The following FZR1 variants were observed in gnomAD, a reference collection of about 807,000 sequenced individuals.
FZR1 encodes the protein fizzy and cell division cycle 20 related 1.
FZR1 carries 11 observed loss-of-function variants against 63.6 expected under a neutral mutation model. The observed-to-expected ratio is 0.17, with a 90% confidence interval of 0.11 to 0.29. The LOEUF is 0.29. FZR1 is among the 10% of genes least tolerant of loss of function. The pLI, the probability that FZR1 is intolerant of heterozygous loss-of-function variation, is 1.00. For synonymous variants in FZR1, 328 were observed against 297.9 expected (o/e 1.10, Z -1.04); for missense variants, 440 against 687.5 (o/e 0.64, Z 4.03).
chr19:3,534,247 A>G (rs968589760), intron 12 of FZR1, 174 bp from the exon 13 acceptor site: 14 of 429,394 alleles, frequency 3.3e-5, no homozygotes, highest in Middle Eastern at 6.2e-4. Context: ...AAAAAAAAAA[A>G]GGCTCCAACC....
rs1246657308 is a variant in FZR1, at chr19:3,516,856, G to A, written c.-34-6100G>A. Among the ~76,000 whole-genome samples, 2 of 152,230 alleles carry A rather than the reference G, an allele frequency of 1.3e-5. No individual in the cohort carries two copies. Among genetic ancestry groups the A allele is most frequent in the Non-Finnish European group, 2.9e-5 (2 of 68,034 alleles). ...TGGCTCACGGCGTCTCTGTTGCCCC[G>A]GAGGGCTTGTCAGGTGCAGCCATGT... On this transcript the variant is annotated intron_variant, in intron 1 of 13. Transcript: ENST00000441788. The surrounding 1 kb of genome is among the most constrained non-coding windows in gnomAD (Gnocchi z 6.0).
chr19:3,520,208 G>A (rs2083089320), intron 1 of FZR1, among the ~76,000 whole-genome samples: 1 of 152,210 alleles, frequency 6.6e-6, no homozygotes, highest in Non-Finnish European at 1.5e-5. Flanking sequence ...TGGGCCTTTG[G>A]GGCTGCGGGA....
At position 3,526,135 on chromosome 19, in the gene FZR1, C is replaced by G; in HGVS notation, c.211C>G (p.Pro71Ala). ...FHRINENEKSPSQNRKAKDAT... is the reference protein window; with the variant it reads ...FHRINENEKSASQNRKAKDAT... The stretch of plus-strand genomic sequence containing the variant: ...CTGCCTGCAGGAGAATGAGAAGTCT[C>G]CCAGTCAGAACCGGAAAGCCAAGGA... Residue 71 changes from proline (P) to alanine (A), a missense_variant, in exon 4 of 14, where the codon CCC becomes GCC. Transcript: ENST00000441788. This position sits in a 1 kb window ranked among gnomAD's most constrained non-coding sequence, Gnocchi z 5.4. The G allele has an allele frequency of 6.2e-7, 1 of 1,613,008 alleles. No homozygotes were observed. The highest frequency in any genetic ancestry group is 8.5e-7 in the Non-Finnish European group (1 of 1,179,974).
At chr19:3,510,626 G>T (rs993453922) in intron 1 of FZR1, among the ~76,000 whole-genome samples, 1 of 152,260 alleles carries the variant, frequency 6.6e-6, no homozygotes, top group Non-Finnish European at 1.5e-5. Flanking sequence ...AGGGTGGGCA[G>T]TGGGCATCTG....
intron 1 of FZR1, among the ~76,000 whole-genome samples, chr19:3,511,908 C>T (rs2083027036): frequency 6.6e-6 from 1 of 152,178 alleles, no homozygotes; most frequent in Non-Finnish European, 1.5e-5. Context: ...TGTTCTTCTG[C>T]AGGTGGGGGT....
intron 1 of FZR1, among the ~76,000 whole-genome samples, chr19:3,508,624 T>C (rs1050199861): frequency 6.6e-6 from 1 of 152,150 alleles, no homozygotes; most frequent in African/African-American, 2.4e-5. Context: ...CTTGGTGTCA[T>C]TTAGAGGGGA....
chr19:3,534,282 A>G, intron 12 of FZR1, 139 bp from the exon 13 acceptor site: 2 of 498,378 alleles, frequency 4.0e-6, no homozygotes, highest in Non-Finnish European at 7.1e-6. Context: ...TGGTGGCCCC[A>G]GCCTGCCCCT....
intron 1 of FZR1, among the ~76,000 whole-genome samples, chr19:3,521,062 C>G (rs965766210): frequency 6.6e-6 from 1 of 152,284 alleles, no homozygotes; most frequent in African/African-American, 2.4e-5. Context: ...ATGGCTGGGT[C>G]GTGTTCTGGC....
chr19:3,531,961 A>G lies in FZR1; in HGVS notation c.874A>G (p.Met292Val), dbSNP rs202153731. ...EQLSSGSRDR[M>V]ILQRDIRTPP... ...GCTGTCGTCCGGGAGCCGCGACCGC[A>G]TGATCCTGCAGAGGGACATCCGCAC... The change falls in exon 10 of 14, where the codon ATG becomes GTG. Residue 292 changes from methionine (M) to valine (V), a missense_variant. By Grantham distance (21) the Met-to-Val change is conservative. Coordinates refer to ENST00000441788, the MANE Select transcript of FZR1 (RefSeq NM_016263.4). 4.7e-4 allele frequency: 746 copies of G among 1,584,374 alleles called. 1 individual carries two copies. Among genetic ancestry groups the G allele is most frequent in the Middle Eastern group, 7.1e-4 (4 of 5,652 alleles).
intron 6 of FZR1, among the ~76,000 whole-genome samples, chr19:3,527,430 G>A (rs545594514): frequency 8.7e-4 from 133 of 152,338 alleles, no homozygotes; most frequent in Non-Finnish European, 2.9e-4. Context: ...CACAGCTGTG[G>A]AAGGGAGGCC....
Position 3,526,919 on chromosome 19 carries a change from G to A in FZR1, c.388-61G>A, listed in dbSNP as rs577609171. ...CTGTACCGGGAGCGTGGGCTGCTGG[G>A]GGGCTCTGAGGGTCCTGCGGCCTGG... On this transcript the variant is annotated intron_variant, in intron 5 of 13. Coordinates refer to ENST00000441788, the MANE Select transcript of FZR1 (RefSeq NM_016263.4). The surrounding 1 kb of genome is among the most constrained non-coding windows in gnomAD (Gnocchi z 5.4). 266 of 1,164,776 alleles carry A rather than the reference G, an allele frequency of 2.3e-4. No homozygotes were observed. The African/African-American group carries it at 3.4e-3, about 15-fold the overall frequency. 72.2% of individuals were successfully genotyped at this position (1,164,776 alleles called of 1,614,324 possible).
chr19:3,527,502 G>A, intron 6 of FZR1, 129 bp from the exon 7 acceptor site: 1 of 689,432 alleles, frequency 1.5e-6, no homozygotes, highest in Non-Finnish European at 2.4e-6. Flanking sequence ...AGGATCACAT[G>A]GTGGCGGTGG....
chr19:3,530,706 G>A (rs1599791370), intron 7 of FZR1, 86 bp from the exon 8 acceptor site: 1 of 951,800 alleles, frequency 1.1e-6, no homozygotes, highest in Admixed American at 2.0e-5. Flanking sequence ...GAGTGGATGG[G>A]TGAGACAGTG....
rs372436708 is a variant in FZR1, at chr19:3,526,043, C to T, written c.195+50C>T. The T allele has an allele frequency of 2.5e-6, 4 of 1,611,502 alleles. No homozygotes were observed. Among genetic ancestry groups the T allele is most frequent in the Non-Finnish European group, 3.4e-6 (4 of 1,179,150 alleles). On this transcript the variant is annotated intron_variant, in intron 3 of 13. Transcript: ENST00000441788. This position sits in a 1 kb window ranked among gnomAD's most constrained non-coding sequence, Gnocchi z 5.4. ...TGGGACCCCCCGGGAAGCCCAGGGCCCCTCCCAGCCTCCTTGCTCTAGGGC... is the reference window on the plus strand; with the variant it reads ...TGGGACCCCCCGGGAAGCCCAGGGCTCCTCCCAGCCTCCTTGCTCTAGGGC...
intron 1 of FZR1, among the ~76,000 whole-genome samples, chr19:3,520,626 G>A (rs183304094): frequency 1.7e-4 from 26 of 152,336 alleles, no homozygotes; most frequent in Admixed American, 1.2e-3. Flanking sequence ...CCATGTGGCC[G>A]AGCCAGGGAC....
chr19:3,522,164 C>T (rs1184216511), intron 1 of FZR1, among the ~76,000 whole-genome samples: 6 of 152,214 alleles, frequency 3.9e-5, no homozygotes, highest in African/African-American at 1.4e-4. Flanking sequence ...TTTGCTGGCC[C>T]TGGTGGGAAG....
rs931486106 is a variant in FZR1 at position 3,535,470 on chromosome 19, C to T, written c.*634C>T. On this transcript the variant is annotated 3_prime_UTR_variant, in exon 14 of 14. Transcript: ENST00000441788. The stretch of plus-strand genomic sequence containing the variant: ...CTGTCACTGCTCGAAGCAGCAGTCT[C>T]TCTGGAAGCATCTGTGTCATGGCCA... The T allele has an allele frequency of 2.0e-5, 3 of 153,594 alleles. No individual in the cohort carries two copies. Among genetic ancestry groups the T allele is most frequent in the African/African-American group, 7.2e-5 (3 of 41,488 alleles). 9.5% of individuals were successfully genotyped at this position (153,594 alleles called of 1,614,324 possible).
chr19:3,510,455 C>T (rs972075825), intron 1 of FZR1, among the ~76,000 whole-genome samples: 9 of 152,202 alleles, frequency 5.9e-5, no homozygotes, highest in Non-Finnish European at 8.8e-5. Flanking sequence ...TTCTGGAGAG[C>T]GGCAGGCCGT....
chr19:3,529,325 A>T (rs1197542945), intron 7 of FZR1, among the ~76,000 whole-genome samples: 1 of 140,298 alleles, frequency 7.1e-6, no homozygotes, highest in African/African-American at 2.7e-5. Flanking sequence ...CGGATGGGAG[A>T]GTGGATGAGA....
Sources: gnomAD v4.1 joint callset for allele counts (sites outside exome capture counted in the v4.1 genomes callset) on GRCh38, gnomAD v4.1.1 for gene constraint, Gnocchi (gnomAD v3.1) non-coding constraint, MANE v1.5 for transcripts, NCBI Gene and HGNC (gene_info 2026-07-23, HGNC 2026-07-21) for gene names.